Variants in ZNF805 observed in about 807,000 individuals in gnomAD.
The protein encoded by ZNF805 is zinc finger protein 805, also known as CTC-444N24.8.
A neutral mutation model predicts 13.6 loss-of-function variants in ZNF805; 7 were observed. The ratio of observed to expected loss-of-function variants is 0.51; its 90% CI spans 0.29 to 0.97. ZNF805 has a LOEUF of 0.97. ZNF805 is among the 50% of genes least tolerant of loss of function. The pLI is 0.08. For missense variants in ZNF805, 604 were observed against 771.0 expected, an observed-to-expected ratio of 0.78 and a Z score of 2.57; for synonymous variants, 293 against 279.8, an observed-to-expected ratio of 1.05 and a Z score of -0.47.
chr19:57,250,347 C>T lies in ZNF805; in HGVS notation c.253+1647C>T, dbSNP rs186706077. On this transcript the variant is annotated intron_variant, in intron 3 of 3. Coordinates refer to ENST00000414468, the MANE Select transcript of ZNF805 (RefSeq NM_001023563.4). ...TCCCAGGTTCAAGCGTTTCTCCTGC[C>T]TCAGCCTTCCGAATAGCTGGGATTA... Among the ~76,000 whole-genome samples, 279 of 152,338 alleles carry T rather than the reference C, an allele frequency of 1.8e-3. 1 individual carries two copies. The highest frequency in any genetic ancestry group is 3.2e-3 in the Non-Finnish European group (220 of 68,038).
Position 57,254,209 on chromosome 19 carries a change from T to G in ZNF805, c.1390T>G (p.Phe464Val). ...CGAGTGCAAAGAGTGTGGGAAAGCC[T>G]TTAGCAATAGGGCAGACCTCATTCG... Reference protein sequence around the residue: ...PFECKECGKAFSNRADLIRHF... With the variant: ...PFECKECGKAVSNRADLIRHF... The change falls in exon 4 of 4, where the codon TTT becomes GTT. Residue 464 changes from phenylalanine to valine, a missense_variant. By Grantham distance (50) the Phe-to-Val change is conservative. This residue lies in a region of ZNF805 where 228 missense variants were observed against 352.8 expected (regional missense o/e 0.65). Transcript: ENST00000414468. The G allele has an allele frequency of 6.2e-7, 1 of 1,613,758 alleles. No homozygotes were observed. Among genetic ancestry groups the G allele is most frequent in the Non-Finnish European group, 8.5e-7 (1 of 1,179,990 alleles).
chr19:57,255,900 C>G lies in ZNF805; in HGVS notation c.*1197C>G, dbSNP rs918865818. On this transcript the variant is annotated 3_prime_UTR_variant, in exon 4 of 4. Transcript: ENST00000414468. ...TACGAATAGTGACAAGTTATCCATG[C>G]CTTGTTCCTGATATTAGGGGGAAAT... is the stretch of plus-strand genomic sequence containing the variant. Among the ~76,000 whole-genome samples, 5 of 152,064 alleles carry G rather than the reference C, an allele frequency of 3.3e-5. No homozygotes were observed. The highest frequency in any genetic ancestry group is 1.2e-4 in the African/African-American group (5 of 41,420).
chr19:57,249,132 C>CT (rs1354056168), intron 3 of ZNF805, among the ~76,000 whole-genome samples: 5 of 152,272 alleles, frequency 3.3e-5, no homozygotes, highest in African/African-American at 1.2e-4. Flanking sequence ...TTATTCAGGA[C>CT]CTAGAGTCCT....
In ZNF805 at chr19:57,257,371, G is replaced by T. The variant is rs2087693580; in HGVS notation, c.*2668G>T. On this transcript the variant is annotated 3_prime_UTR_variant, in exon 4 of 4. Coordinates refer to ENST00000414468, the MANE Select transcript of ZNF805 (RefSeq NM_001023563.4). ...GATGTTGAAGTCCTGAGCTATAATT[G>T]TGGAATTACCTATTCCTCCTTTAAG... Among the ~76,000 whole-genome samples the T allele has an allele frequency of 6.6e-6, 1 of 152,122 alleles. No homozygotes were observed. The highest frequency in any genetic ancestry group is 2.1e-4 in the South Asian group (1 of 4,820).
At chr19:57,246,638 T>C (rs1190333256) in intron 2 of ZNF805, among the ~76,000 whole-genome samples, 1 of 151,918 alleles carries the variant, frequency 6.6e-6, no homozygotes, top group Non-Finnish European at 1.5e-5. Flanking sequence ...TAGCTGGGTG[T>C]GGTAGCGCAT....
Position 57,240,832 on chromosome 19 carries a change from C to G in ZNF805, c.-60C>G. Reference sequence around the variant, plus strand: ...AGGGAAGGGGTGGGGCTCGGCTGAGCCCGCGAGACCCGCCCTGCTCGCCGC... The same window carrying G: ...AGGGAAGGGGTGGGGCTCGGCTGAGGCCGCGAGACCCGCCCTGCTCGCCGC... On this transcript the variant is annotated 5_prime_UTR_variant, in exon 1 of 4. Coordinates refer to ENST00000414468, the MANE Select transcript of ZNF805 (RefSeq NM_001023563.4). 1 of 1,517,458 alleles carries G rather than the reference C, an allele frequency of 6.6e-7. No individual in the cohort carries two copies. The highest frequency in any genetic ancestry group is 8.9e-7 in the Non-Finnish European group (1 of 1,124,034). The allele number at this position is 1,517,458 out of a possible 1,614,324, so 94.0% of individuals were successfully genotyped here.
chr19:57,248,785 C>T (rs1298453685), intron 3 of ZNF805, 85 bp downstream of exon 3: 1 of 1,242,410 alleles, frequency 8.0e-7, no homozygotes, highest in Admixed American at 2.0e-5. Flanking sequence ...TCTTGGGAAG[C>T]TTCTCACTGT....
chr19:57,242,962 T>G (rs961529616), intron 1 of ZNF805, among the ~76,000 whole-genome samples: 1 of 152,198 alleles, frequency 6.6e-6, no homozygotes, highest in Non-Finnish European at 1.5e-5. Context: ...TGCTCACACC[T>G]GTAGCCCCAG....
chr19:57,240,934 G>A lies in ZNF805; in HGVS notation c.30+13G>A, dbSNP rs2087575752. On this transcript the variant is annotated intron_variant, in intron 1 of 3. Coordinates refer to ENST00000414468, the MANE Select transcript of ZNF805 (RefSeq NM_001023563.4). ...GGACCCGGCGCAGGTGAGTGGACAA[G>A]GTTTCGGCCTTGCTGCTTTTCTGCT... is the stretch of plus-strand genomic sequence containing the variant. 1 of 1,559,462 alleles carries A rather than the reference G, an allele frequency of 6.4e-7. No individual in the cohort carries two copies. Among genetic ancestry groups the A allele is most frequent in the Admixed American group, 1.9e-5 (1 of 51,826 alleles).
At chr19:57,246,513 C>T (rs1310874546) in intron 2 of ZNF805, among the ~76,000 whole-genome samples, 3 of 152,068 alleles carry the variant, frequency 2.0e-5, no homozygotes, top group Non-Finnish European at 4.4e-5. Flanking sequence ...CATGGTGGCT[C>T]ATGCCTGCAA....
In ZNF805 at chr19:57,253,743, C is replaced by T; in HGVS notation, c.924C>T (p.Ser308=). Residue 308 remains serine, a synonymous_variant, in exon 4 of 4, where the codon AGC becomes AGT. Transcript: ENST00000414468. This position sits in a 1 kb window ranked among gnomAD's most constrained non-coding sequence, Gnocchi z 4.4. ...HRSTFVLHNR[S]HTGEKPFVCK... is the part of the protein sequence containing the mutation. ...CCACTTTTGTCTTGCATAACAGGAG[C>T]CACACTGGAGAAAAACCCTTTGTGT... 1 of 1,613,818 alleles carries T rather than the reference C, an allele frequency of 6.2e-7. No homozygotes were observed. Among genetic ancestry groups the T allele is most frequent in the Non-Finnish European group, 8.5e-7 (1 of 1,179,952 alleles).
At chr19:57,251,356 T>A (rs966214736) in intron 3 of ZNF805, among the ~76,000 whole-genome samples, 4 of 152,208 alleles carry the variant, frequency 2.6e-5, no homozygotes, top group African/African-American at 9.6e-5. Flanking sequence ...TGCTCTTGAT[T>A]TGCATTTTCC....
intron 2 of ZNF805, among the ~76,000 whole-genome samples, chr19:57,245,647 C>T (rs572995826): frequency 0.018 from 2,727 of 149,072 alleles, 56 homozygotes; most frequent in African/African-American, 0.062. Flanking sequence ...GGCGTGGTGG[C>T]GGGTGCCTGT....
intron 3 of ZNF805, among the ~76,000 whole-genome samples, chr19:57,251,368 C>T (rs2087650775): frequency 6.6e-6 from 1 of 152,174 alleles, no homozygotes; most frequent in African/African-American, 2.4e-5. Context: ...GCATTTTCCT[C>T]ATTGGTAGGG....
At position 57,255,079 on chromosome 19, in the gene ZNF805, A is replaced by G. The variant is rs1194650562; in HGVS notation, c.*376A>G. ...AGCATTGTTTTTATGAGAAATAATGAAGCCTTGAGTTATGAAATACTTTTA... is the reference window on the plus strand; with the variant it reads ...AGCATTGTTTTTATGAGAAATAATGGAGCCTTGAGTTATGAAATACTTTTA... On this transcript the variant is annotated 3_prime_UTR_variant, in exon 4 of 4. Coordinates refer to ENST00000414468, the MANE Select transcript of ZNF805 (RefSeq NM_001023563.4). 1.1e-5 allele frequency: 2 copies of G among 185,932 alleles called. No individual in the cohort carries two copies. Among genetic ancestry groups the G allele is most frequent in the Non-Finnish European group, 2.5e-5 (2 of 80,950 alleles). The allele number at this position is 185,932 out of a possible 1,614,324, so 11.5% of individuals were successfully genotyped here.
At chr19:57,247,024 CTT>C (rs973210517) in intron 2 of ZNF805, among the ~76,000 whole-genome samples, 2 of 120,414 alleles carry the variant, frequency 1.7e-5, no homozygotes, top group African/African-American at 6.8e-5. Context: ...AAATTCTTCT[CTT>C]GTGAACTTTT....
At chr19:57,243,187 G>C (rs2087590209) in intron 1 of ZNF805, among the ~76,000 whole-genome samples, 1 of 152,218 alleles carries the variant, frequency 6.6e-6, no homozygotes, top group Admixed American at 6.5e-5. Flanking sequence ...TTACACTCCA[G>C]TCTGGGTAAT....
chr19:57,252,223 T>G (rs2087656192), intron 3 of ZNF805, among the ~76,000 whole-genome samples: 1 of 152,212 alleles, frequency 6.6e-6, no homozygotes, highest in African/African-American at 2.4e-5. Context: ...ATTGGAAAAC[T>G]GCCTTGATCT....
chr19:57,253,477 C>A lies in ZNF805; in HGVS notation c.658C>A (p.Arg220=). ...GTTTAACAAGAAACGCCTGCTTGCT[C>A]GGCATGAGAGGATTCACTCTGGAGT... is the stretch of plus-strand genomic sequence containing the variant. The part of the protein sequence containing the change: ...KVFNKKRLLA[R]HERIHSGVKP... The change falls in exon 4 of 4, where the codon CGG becomes AGG. Residue 220 remains arginine, a synonymous_variant. Transcript: ENST00000414468. The surrounding 1 kb of genome is among the most constrained non-coding windows in gnomAD (Gnocchi z 4.4). 1 of 1,600,738 alleles carries A rather than the reference C, an allele frequency of 6.2e-7. No homozygotes were observed. The highest frequency in any genetic ancestry group is 8.5e-7 in the Non-Finnish European group (1 of 1,172,962).
Sources: gnomAD v4.1 joint callset for allele counts (sites outside exome capture counted in the v4.1 genomes callset) on GRCh38, gnomAD v4.1.1 for gene constraint, gnomAD v4.1.1 regional missense constraint, Gnocchi (gnomAD v3.1) non-coding constraint, MANE v1.5 for transcripts, NCBI Gene and HGNC (gene_info 2026-07-23, HGNC 2026-07-21) for gene names.